The following FUT8 variants were observed in gnomAD, a reference collection of about 807,000 sequenced individuals.
FUT8 encodes the protein fucosyltransferase 8.
Under a neutral mutation model 71.3 loss-of-function variants are expected in FUT8, and 29 were observed. The observed-to-expected ratio is 0.41, with a 90% CI of 0.30 to 0.55. The LOEUF (loss-of-function observed/expected upper bound fraction) is 0.55, where lower values mean the gene tolerates loss of function less well. FUT8 is among the 20% of genes least tolerant of loss of function. FUT8 has a pLI of 0.34. For synonymous variants in FUT8, 254 were observed against 239.3 expected, an observed-to-expected ratio of 1.06 and a Z score of -0.57; for missense variants, 544 against 702.1, an observed-to-expected ratio of 0.77 and a Z score of 2.55.
chr14:65,606,379 A>G (rs1387705269), intron 3 of FUT8, among the ~76,000 whole-genome samples: 1 of 151,668 alleles, frequency 6.6e-6, no homozygotes, highest in East Asian at 1.9e-4. Flanking sequence ...GCCCTGCCCA[A>G]AAATTTTTAA....
At chr14:65,633,124 T>C (rs1331826534) in intron 6 of FUT8, among the ~76,000 whole-genome samples, 69 of 147,598 alleles carry the variant, frequency 4.7e-4, no homozygotes, top group African/African-American at 5.0e-4. Context: ...CCCTGCCTGA[T>C]TCTCCTGCCT....
Position 65,742,613 on chromosome 14 carries a change from A to G in FUT8, c.*203A>G, listed in dbSNP as rs937691642. The G allele has an allele frequency of 1.7e-6, 1 of 577,568 alleles. No homozygotes were observed. Among genetic ancestry groups the G allele is most frequent in the Admixed American group, 3.0e-5 (1 of 33,274 alleles). 35.8% of individuals were successfully genotyped at this position (577,568 alleles called of 1,614,324 possible). A position where few individuals can be genotyped will look rare whatever the true frequency, so the allele number is the denominator to read the frequency against. On this transcript the variant is annotated 3_prime_UTR_variant, in exon 11 of 11. Transcript: ENST00000673929. ...CTTTAACAAGGGCTGCAATGCCCTC[A>G]TACCCATGCACAGTACAATAATGTA...
At chr14:65,539,319 C>T (rs1884536963) in intron 2 of FUT8, among the ~76,000 whole-genome samples, 1 of 152,048 alleles carries the variant, frequency 6.6e-6, no homozygotes, top group South Asian at 2.1e-4. Flanking sequence ...AGTAATAATC[C>T]CTTGGTCAGC....
chr14:65,681,943 C>G lies in FUT8; in HGVS notation c.835+12463C>G, dbSNP rs1294303313. Among the ~76,000 whole-genome samples, 8 of 152,192 alleles carry G rather than the reference C, an allele frequency of 5.3e-5. 1 individual carries two copies. In the South Asian group the frequency reaches 1.7e-3, roughly 32 times the overall value. On this transcript the variant is annotated intron_variant, in intron 7 of 10. Transcript: ENST00000673929. ...CTCAGGGATCAGCAAACTATAACAC[C>G]CACAGCCTGGTTTTGTAAGGCCTGC...
At position 65,643,665 on chromosome 14, in the gene FUT8, TACACACACACACACACACACACACAC is replaced by T. The variant is rs60967671; in HGVS notation, c.597+14084_597+14109del. On this transcript the variant is annotated intron_variant, in intron 6 of 10. Coordinates refer to ENST00000673929, the MANE Select transcript of FUT8 (RefSeq NM_001371533.1). This position sits in a 1 kb window ranked among gnomAD's most constrained non-coding sequence, Gnocchi z 4.5. ...CGAGACTCCGTCTTTAAAAAAAAAATACACACACACACACACACACACACACACACACACACACACACACACACACC... is the reference window on the plus strand; with the variant it reads ...CGAGACTCCGTCTTTAAAAAAAAAATACACACACACACACACACACACACC... Among the ~76,000 whole-genome samples, 17 of 124,738 alleles carry T rather than the reference TACACACACACACACACACACACACAC, an allele frequency of 1.4e-4. No individual in the cohort carries two copies. The highest frequency in any genetic ancestry group is 5.1e-4 in the African/African-American group (16 of 31,258). The allele number at this position is 124,738 out of a possible 152,430, so 81.8% of individuals were successfully genotyped here. A position where few individuals can be genotyped will look rare whatever the true frequency, so the allele number is the denominator to read the frequency against.
At chr14:65,459,885 TAAAATA>T (rs1238652007) in intron 2 of FUT8, among the ~76,000 whole-genome samples, 1 of 152,072 alleles carries the variant, frequency 6.6e-6, no homozygotes, top group Non-Finnish European at 1.5e-5. Context: ...TAAAGAATAA[TAAAATA>T]AAAATAAAAA....
chr14:65,607,274 G>T lies in FUT8; in HGVS notation c.204-8704G>T, dbSNP rs1282079929. On this transcript the variant is annotated intron_variant, in intron 3 of 10. Coordinates refer to ENST00000673929, the MANE Select transcript of FUT8 (RefSeq NM_001371533.1). The surrounding 1 kb of genome is among the most constrained non-coding windows in gnomAD (Gnocchi z 4.1). ...GCAGGCCTGTCTTCTATTGTTCTTA[G>T]ATTTAAAAGGAATGCTACTGATGAG... is the stretch of plus-strand genomic sequence containing the variant. Among the ~76,000 whole-genome samples the T allele has an allele frequency of 6.6e-6, 1 of 151,808 alleles. No homozygotes were observed. Among genetic ancestry groups the T allele is most frequent in the African/African-American group, 2.4e-5 (1 of 41,402 alleles).
intron 3 of FUT8, among the ~76,000 whole-genome samples, chr14:65,608,552 G>T (rs1247656316): frequency 6.6e-6 from 1 of 151,826 alleles, no homozygotes; most frequent in Admixed American, 6.6e-5. Flanking sequence ...TTTAGAGTGG[G>T]GCTAATGTTT....
the FUT8 span, among the ~76,000 whole-genome samples, chr14:65,367,997 A>T: frequency 1.3e-5 from 2 of 152,180 alleles, no homozygotes; most frequent in South Asian, 4.2e-4. Flanking sequence ...TAAATAATTT[A>T]AAATTTTCTA....
intron 2 of FUT8, among the ~76,000 whole-genome samples, chr14:65,469,361 A>G (rs1242514389): frequency 1.3e-5 from 2 of 151,998 alleles, no homozygotes; most frequent in Non-Finnish European, 1.5e-5. Context: ...GAACTGAGGT[A>G]AATAGGCCTT....
intron 3 of FUT8, among the ~76,000 whole-genome samples, chr14:65,582,033 T>C (rs1316508925): frequency 6.6e-6 from 1 of 152,192 alleles, no homozygotes; most frequent in Non-Finnish European, 1.5e-5. Context: ...CTGTAAGTCA[T>C]GGTGTTGAAT....
intron 1 of FUT8, among the ~76,000 whole-genome samples, chr14:65,421,420 T>G (rs1229323300): frequency 6.6e-6 from 1 of 152,086 alleles, no homozygotes; most frequent in African/African-American, 2.4e-5. Flanking sequence ...TTTATGGCAA[T>G]ACGTCATACT....
intron 9 of FUT8, among the ~76,000 whole-genome samples, chr14:65,728,132 GTCT>G (rs1308124565): frequency 1.3e-5 from 2 of 152,132 alleles, no homozygotes; most frequent in African/African-American, 4.8e-5. Context: ...ACATTTTCCT[GTCT>G]TCTTCTGAGC....
At chr14:65,393,692 T>C in the FUT8 span, among the ~76,000 whole-genome samples, 4 of 152,082 alleles carry the variant, frequency 2.6e-5, no homozygotes, top group Admixed American at 6.6e-5. Flanking sequence ...AAAGGGGAAA[T>C]ATCAGTGGAG....
At chr14:65,522,568 A>C (rs577795403) in intron 2 of FUT8, among the ~76,000 whole-genome samples, 3 of 152,212 alleles carry the variant, frequency 2.0e-5, no homozygotes, top group Admixed American at 2.0e-4. Context: ...AGGAATGTCA[A>C]AATAAAATTT....
intron 2 of FUT8, among the ~76,000 whole-genome samples, chr14:65,475,579 A>G (rs1264588813): frequency 1.3e-5 from 2 of 152,082 alleles, no homozygotes; most frequent in Non-Finnish European, 2.9e-5. Flanking sequence ...TCTCTACCAA[A>G]AAATTTAAAA....
chr14:65,525,514 G>A (rs546717825), intron 2 of FUT8, among the ~76,000 whole-genome samples: 3 of 152,278 alleles, frequency 2.0e-5, no homozygotes, highest in Admixed American at 6.5e-5. Flanking sequence ...CAAAAAACCA[G>A]CTCCTGGATT....
At position 65,638,100 on chromosome 14, in the gene FUT8, GGT is replaced by G. The variant is rs767808947; in HGVS notation, c.597+8496_597+8497del. On this transcript the variant is annotated intron_variant, in intron 6 of 10. Coordinates refer to ENST00000673929, the MANE Select transcript of FUT8 (RefSeq NM_001371533.1). This position sits in a 1 kb window ranked among gnomAD's most constrained non-coding sequence, Gnocchi z 4.5. ...GTTTCTGAGCAACACCCTGGCACAAGGTGAAGTTCGTAACCACATTTCTTCTG... is the reference window on the plus strand; with the variant it reads ...GTTTCTGAGCAACACCCTGGCACAAGGAAGTTCGTAACCACATTTCTTCTG... Among the ~76,000 whole-genome samples, 3 of 152,234 alleles carry G rather than the reference GGT, an allele frequency of 2.0e-5. No homozygotes were observed. The highest frequency in any genetic ancestry group is 4.4e-5 in the Non-Finnish European group (3 of 68,042).
At chr14:65,654,495 G>A (rs966042192) in intron 6 of FUT8, among the ~76,000 whole-genome samples, 1 of 152,062 alleles carries the variant, frequency 6.6e-6, no homozygotes, top group Non-Finnish European at 1.5e-5. Flanking sequence ...GACTGATGCA[G>A]GAGAAGTGTT....
Sources: allele counts gnomAD v4.1 joint callset (sites outside exome capture counted in the v4.1 genomes callset), GRCh38; gene constraint gnomAD v4.1.1; non-coding constraint Gnocchi (gnomAD v3.1); transcripts MANE v1.5; gene names NCBI Gene and HGNC (gene_info 2026-07-23, HGNC 2026-07-21).